Variants in EYS observed in about 807,000 individuals in gnomAD.
EYS encodes the protein protein eyes shut homolog.
A neutral mutation model predicts 282.1 loss-of-function variants in EYS; 250 were observed. That is an observed-to-expected ratio of 0.89 (90% CI 0.80 to 0.98). EYS has a LOEUF of 0.98. Among genes scored for constraint, EYS ranks in the 50% least tolerant of loss-of-function variants. EYS has a pLI of 0.00. For missense variants in EYS, 4,016 were observed against 3,709.0 expected (o/e 1.08, Z -2.15); for synonymous variants, 1,355 against 1,282.9 (o/e 1.06, Z -1.20).
chr6:63,949,536 A>C (rs572804999), intron 35 of EYS, among the ~76,000 whole-genome samples: 40 of 152,168 alleles, frequency 2.6e-4, no homozygotes, highest in African/African-American at 9.6e-4. Context: ...TATTCTTTTC[A>C]TTGCCCTTTT....
intron 12 of EYS, among the ~76,000 whole-genome samples, chr6:65,105,702 T>G (rs1286571185): frequency 6.6e-6 from 1 of 151,886 alleles, no homozygotes; most frequent in Non-Finnish European, 1.5e-5. Context: ...GAATCCCTAT[T>G]CCGTGAATGA....
At chr6:64,224,164 TA>T (rs1243231273) in intron 31 of EYS, among the ~76,000 whole-genome samples, 2 of 152,076 alleles carry the variant, frequency 1.3e-5, no homozygotes, top group African/African-American at 2.4e-5. Context: ...AATTTTGGGT[TA>T]AAAAAATCTA....
chr6:65,108,457 C>A (rs1775109988), intron 12 of EYS, among the ~76,000 whole-genome samples: 1 of 152,186 alleles, frequency 6.6e-6, no homozygotes, highest in African/African-American at 2.4e-5. Context: ...GCCACCACAC[C>A]AGCTAATTTT....
chr6:65,185,990 AGCAC>A (rs767874354), intron 12 of EYS, among the ~76,000 whole-genome samples: 133,424 of 151,554 alleles, frequency 0.88, 59,089 homozygotes, highest in East Asian at 0.97. Flanking sequence ...TTAATTGCCA[AGCAC>A]TTTACAAATT....
chr6:65,484,572 T>C (rs551938048), intron 5 of EYS, among the ~76,000 whole-genome samples: 1 of 152,278 alleles, frequency 6.6e-6, no homozygotes, highest in South Asian at 2.1e-4. Flanking sequence ...CAGACAAAAG[T>C]AGGTAATTCC....
rs148030767 is a variant in EYS, at chr6:65,156,213, C to T, written c.2024-98486G>A. 1.4e-3 allele frequency among the ~76,000 whole-genome samples: 213 copies of T among 151,148 alleles called. 2 individuals carry two copies. The highest frequency in any genetic ancestry group is 3.4e-3 in the Middle Eastern group (1 of 294). ...AGTAATAAGACTGCTTCAGAGACTC[C>T]CTTGGAATTATAGTGTATTCCAGCA... On this transcript the variant is annotated intron_variant, in intron 12 of 42. Transcript: ENST00000503581.
Position 65,669,780 on chromosome 6 carries a change from T to C in EYS, c.-447-29888A>G, listed in dbSNP as rs1037022930. ...AAAACTGTGTGTCAAATAGAGTTAT[T>C]AACACCCGCACAGTTGGACATATGC... On this transcript the variant is annotated intron_variant, in intron 1 of 42. Transcript: ENST00000503581. Among the ~76,000 whole-genome samples, 3 of 152,078 alleles carry C rather than the reference T, an allele frequency of 2.0e-5. No homozygotes were observed. The South Asian group carries it at 6.2e-4, about 31-fold the overall frequency.
chr6:64,481,274 G>GTGTATATATATA (rs1461029125), intron 26 of EYS, among the ~76,000 whole-genome samples: 7 of 140,626 alleles, frequency 5.0e-5, no homozygotes, highest in African/African-American at 1.8e-4. Flanking sequence ...GTGTGTGTGT[G>GTGTATATATATA]TATATATATA....
intron 2 of EYS, among the ~76,000 whole-genome samples, chr6:65,531,320 T>A (rs574406092): frequency 6.6e-6 from 1 of 152,332 alleles, no homozygotes; most frequent in South Asian, 2.1e-4. Flanking sequence ...ACATTTATCA[T>A]GGCATGAGTT....
chr6:63,973,007 T>C (rs1766657782), intron 35 of EYS, among the ~76,000 whole-genome samples: 1 of 152,170 alleles, frequency 6.6e-6, no homozygotes, highest in South Asian at 2.1e-4. Context: ...TACATGTGCA[T>C]GTGTCTTTAT....
intron 2 of EYS, among the ~76,000 whole-genome samples, chr6:65,558,598 C>A (rs1016817704): frequency 3.9e-5 from 6 of 152,228 alleles, no homozygotes; most frequent in African/African-American, 1.4e-4. Flanking sequence ...CTGCAGCTGG[C>A]TTCCATGTAG....
chr6:65,136,657 T>C (rs546990886), intron 12 of EYS, among the ~76,000 whole-genome samples: 2 of 127,210 alleles, frequency 1.6e-5, no homozygotes, highest in Non-Finnish European at 3.3e-5. Context: ...AACAGTATGT[T>C]ACTAGACAAA....
intron 19 of EYS, among the ~76,000 whole-genome samples, chr6:64,854,931 A>T (rs890499768): frequency 1.3e-5 from 2 of 152,024 alleles, no homozygotes; most frequent in Non-Finnish European, 2.9e-5. Context: ...CTTTTGAAAG[A>T]TATTTTCATT....
At chr6:64,151,363 A>ATATTTATATATATAT (rs1491135650) in intron 31 of EYS, among the ~76,000 whole-genome samples, 2 of 62,854 alleles carry the variant, frequency 3.2e-5, no homozygotes, top group African/African-American at 7.1e-5. Context: ...ATATATATAT[A>ATATTTATATATATAT]ATTTTTTTTT....
rs73742020 is a variant in EYS at position 65,596,238 on chromosome 6, A to G, written c.-333+43540T>C. Among the ~76,000 whole-genome samples, 1,297 of 152,218 alleles carry G rather than the reference A, an allele frequency of 8.5e-3. 14 individuals carry two copies. Among genetic ancestry groups the G allele is most frequent in the African/African-American group, 0.029 (1,215 of 41,552 alleles). On this transcript the variant is annotated intron_variant, in intron 2 of 42. Coordinates refer to ENST00000503581, the MANE Select transcript of EYS (RefSeq NM_001142800.2). Reference sequence around the variant, plus strand: ...CACTTCGGTGTCCTTAGAGACCTTGAGCCAGAGGAACAAAACTGAACTACA... The same window carrying G: ...CACTTCGGTGTCCTTAGAGACCTTGGGCCAGAGGAACAAAACTGAACTACA...
chr6:65,580,092 C>T (rs1764816191), intron 2 of EYS, among the ~76,000 whole-genome samples: 2 of 151,984 alleles, frequency 1.3e-5, no homozygotes, highest in African/African-American at 4.8e-5. Flanking sequence ...AGACCTAAGA[C>T]ACATGCATCA....
intron 31 of EYS, among the ~76,000 whole-genome samples, chr6:64,153,281 G>GA (rs1774804459): frequency 6.6e-6 from 1 of 152,126 alleles, no homozygotes; most frequent in Admixed American, 6.6e-5. Context: ...TGACACTTGT[G>GA]TTTATAAATG....
Position 65,584,803 on chromosome 6 carries a change from A to ATT in EYS, c.-333+54974_-333+54975insAA, listed in dbSNP as rs747148047. On this transcript the variant is annotated intron_variant, in intron 2 of 42. Coordinates refer to ENST00000503581, the MANE Select transcript of EYS (RefSeq NM_001142800.2). ...TTTAAATCACTTCTAAAGCATGAAT[A>ATT]ATATATATGTCTTTTACACATGCAT... 9.2e-5 allele frequency among the ~76,000 whole-genome samples: 14 copies of ATT among 151,446 alleles called. No individual in the cohort carries two copies. The East Asian group carries it at 1.7e-3, about 19-fold the overall frequency.
At chr6:63,893,898 A>G (rs1488657134) in intron 35 of EYS, among the ~76,000 whole-genome samples, 1 of 152,120 alleles carries the variant, frequency 6.6e-6, no homozygotes, top group Admixed American at 6.5e-5. Context: ...CTGTCCACTA[A>G]GAATATAAGT....
Sources: gnomAD v4.1 joint callset for allele counts (sites outside exome capture counted in the v4.1 genomes callset) on GRCh38, gnomAD v4.1.1 for gene constraint, MANE v1.5 for transcripts, NCBI Gene and HGNC (gene_info 2026-07-23, HGNC 2026-07-21) for gene names.